RTL4: variants seen among roughly 807,000 people sequenced by gnomAD.
RTL4 encodes retrotransposon Gag like 4, also known as retrotransposon Gag-like protein 4.
A neutral mutation model predicts 5.3 loss-of-function variants in RTL4; 4 were observed. The observed-to-expected ratio is 0.75, with a 90% CI of 0.37 to 1.72. RTL4 has a LOEUF of 1.72. RTL4 is among the 40% of genes most tolerant of loss of function. The probability of loss-of-function intolerance (pLI) is 0.04; values close to 1 mark genes in which losing one functional copy is unlikely to be tolerated. For synonymous variants in RTL4, 98 were observed against 87.3 expected, an observed-to-expected ratio of 1.12 and a Z score of -0.68; for missense variants, 260 against 227.1, an observed-to-expected ratio of 1.14 and a Z score of -0.93.
At chrX:112,365,119 T>C in the RTL4 span, among the ~76,000 whole-genome samples, 1 of 110,997 alleles carries the variant, frequency 9.0e-6, no homozygotes, top group Non-Finnish European at 1.9e-5. Context: ...CAGAGGAATA[T>C]ACATCTAAGT....
At chrX:112,228,146 C>A in the RTL4 span, among the ~76,000 whole-genome samples, 1 of 111,123 alleles carries the variant, frequency 9.0e-6, no homozygotes, top group Admixed American at 9.6e-5. Flanking sequence ...GTCCCCCTAC[C>A]TGTGGATGCT....
At chrX:112,166,854 C>T in the RTL4 span, among the ~76,000 whole-genome samples, 1 of 111,631 alleles carries the variant, frequency 9.0e-6, no homozygotes, top group South Asian at 3.8e-4. Context: ...AAGAACAGGG[C>T]CTAACATATA....
At chrX:112,169,122 A>AT in the RTL4 span, among the ~76,000 whole-genome samples, 2 of 44,749 alleles carry the variant, frequency 4.5e-5, no homozygotes, top group Non-Finnish European at 9.1e-5. Flanking sequence ...TTTGGGTTTT[A>AT]TTTTTTTTTG....
At chrX:112,243,488 G>A in the RTL4 span, among the ~76,000 whole-genome samples, 1 of 111,446 alleles carries the variant, frequency 9.0e-6, no homozygotes, top group African/African-American at 3.3e-5. Flanking sequence ...TTGTGTAGAG[G>A]TTTTTATAGT....
upstream of RTL4, among the ~76,000 whole-genome samples, chrX:112,453,106 A>G (rs1354620794): frequency 4.5e-5 from 5 of 111,170 alleles, no homozygotes; most frequent in Admixed American, 3.8e-4. Flanking sequence ...GGATCATCCA[A>G]CTGATTAATG....
At chrX:112,419,467 C>T in the RTL4 span, among the ~76,000 whole-genome samples, 4 of 87,928 alleles carry the variant, frequency 4.5e-5, no homozygotes, top group Non-Finnish European at 8.8e-5. Flanking sequence ...TCAAGAGATT[C>T]TCCTGCCTCA....
the RTL4 span, among the ~76,000 whole-genome samples, chrX:112,305,791 G>A: frequency 8.9e-6 from 1 of 112,177 alleles, no homozygotes; most frequent in Non-Finnish European, 1.9e-5. Flanking sequence ...CTCTCAGAGG[G>A]ACATTGTGTA....
At chrX:112,262,291 T>C in the RTL4 span, among the ~76,000 whole-genome samples, 2 of 111,389 alleles carry the variant, frequency 1.8e-5, no homozygotes, top group African/African-American at 6.5e-5. Context: ...TGCCATCTAC[T>C]CATCTGACAA....
At chrX:112,104,571 C>T in the RTL4 span, among the ~76,000 whole-genome samples, 7 of 111,908 alleles carry the variant, frequency 6.3e-5, no homozygotes, top group Non-Finnish European at 1.3e-4. Flanking sequence ...CACCTTTTGT[C>T]TTTTTGATAG....
At chrX:112,164,063 A>C in the RTL4 span, among the ~76,000 whole-genome samples, 1 of 112,066 alleles carries the variant, frequency 8.9e-6, no homozygotes, top group Non-Finnish European at 1.9e-5. Context: ...ATAGCGAAGA[A>C]AACTCAAATC....
At chrX:112,451,016 A>AT (rs769248843), upstream of RTL4, among the ~76,000 whole-genome samples, 1,429 of 111,210 alleles carry the variant, frequency 0.013, 11 homozygotes, top group South Asian at 0.026. Context: ...CTATTCAGAC[A>AT]TTTTTTTTCC....
At chrX:112,450,803 A>G (rs745600474), upstream of RTL4, among the ~76,000 whole-genome samples, 1 of 112,225 alleles carries the variant, frequency 8.9e-6, no homozygotes, top group African/African-American at 3.2e-5. Context: ...GAAAGGAAGG[A>G]AAATTTAAAA....
At chrX:112,364,043 A>G in the RTL4 span, among the ~76,000 whole-genome samples, 3 of 112,306 alleles carry the variant, frequency 2.7e-5, no homozygotes, top group South Asian at 1.1e-3. Flanking sequence ...TCACACAATA[A>G]CATGTATGTC....
At chrX:112,114,492 C>A in the RTL4 span, among the ~76,000 whole-genome samples, 1 of 111,817 alleles carries the variant, frequency 8.9e-6, no homozygotes, top group African/African-American at 3.3e-5. Flanking sequence ...TGCCCTAGAC[C>A]ATGTAGGACA....
the RTL4 span, among the ~76,000 whole-genome samples, chrX:112,147,028 G>A: frequency 9.3e-6 from 1 of 107,591 alleles, no homozygotes; most frequent in Non-Finnish European, 1.9e-5. Context: ...AGAGATGGGG[G>A]AGCTGAGTGA....
At chrX:112,134,132 C>A in the RTL4 span, among the ~76,000 whole-genome samples, 1 of 112,172 alleles carries the variant, frequency 8.9e-6, no homozygotes, top group Non-Finnish European at 1.9e-5. Context: ...AATTGTCACT[C>A]TGAGACTCAG....
chrX:112,433,082 T>C, the RTL4 span, among the ~76,000 whole-genome samples: 1 of 110,632 alleles, frequency 9.0e-6, no homozygotes, highest in Non-Finnish European at 1.9e-5. Context: ...TTCTGTTCCA[T>C]TGATCTATAT....
chrX:112,121,667 A>G, the RTL4 span, among the ~76,000 whole-genome samples: 4 of 111,755 alleles, frequency 3.6e-5, no homozygotes, highest in South Asian at 1.5e-3. Context: ...ACCCATTAAT[A>G]TAGGTAAAAT....
At chrX:112,396,510 T>C in the RTL4 span, among the ~76,000 whole-genome samples, 225 of 110,857 alleles carry the variant, frequency 2.0e-3, 1 homozygote, top group African/African-American at 7.2e-3. Flanking sequence ...TCCATGGAGC[T>C]TTTTATTTGG....
Sources: gnomAD v4.1 joint callset for allele counts (sites outside exome capture counted in the v4.1 genomes callset) on GRCh38, gnomAD v4.1.1 for gene constraint, MANE v1.5 for transcripts, NCBI Gene and HGNC (gene_info 2026-07-23, HGNC 2026-07-21) for gene names.